The following RNF150 variants were observed in gnomAD, a reference collection of about 807,000 sequenced individuals.
The protein encoded by RNF150 is ring finger protein 150.
In RNF150, 24 loss-of-function variants were observed where a neutral mutation model predicts 39.3. The observed-to-expected ratio is 0.61, with a 90% CI of 0.44 to 0.86. The LOEUF (loss-of-function observed/expected upper bound fraction) is 0.86, where lower values mean the gene tolerates loss of function less well. RNF150 is among the 40% of genes least tolerant of loss of function. The pLI, the probability that RNF150 is intolerant of heterozygous loss-of-function variation, is 0.00. For missense variants in RNF150, 502 were observed against 587.8 expected (o/e 0.85, Z 1.51); for synonymous variants, 255 against 227.3 (o/e 1.12, Z -1.10).
chr4:141,211,021 G>T (rs968849820), intron 1 of RNF150, among the ~76,000 whole-genome samples: 2 of 152,104 alleles, frequency 1.3e-5, no homozygotes, highest in African/African-American at 4.8e-5. Context: ...TTGAGAGCAT[G>T]GTAAAAGAAT....
chr4:140,985,969 G>A (rs1351738082), intron 1 of RNF150, among the ~76,000 whole-genome samples: 2 of 152,000 alleles, frequency 1.3e-5, no homozygotes, highest in Non-Finnish European at 2.9e-5. Context: ...ATTAAGGCAA[G>A]GAAATAACAC....
At chr4:140,925,160 T>C (rs1731341607) in intron 5 of RNF150, among the ~76,000 whole-genome samples, 1 of 152,182 alleles carries the variant, frequency 6.6e-6, no homozygotes, top group Non-Finnish European at 1.5e-5. Flanking sequence ...CAGCACCGTA[T>C]GGTTTCTCAC....
At chr4:140,943,196 T>C (rs1232675531) in intron 4 of RNF150, among the ~76,000 whole-genome samples, 1 of 152,076 alleles carries the variant, frequency 6.6e-6, no homozygotes, top group Non-Finnish European at 1.5e-5. Context: ...CTTCTGTCAA[T>C]AGTATCGAAG....
intron 1 of RNF150, among the ~76,000 whole-genome samples, chr4:141,092,317 T>C (rs1174802758): frequency 6.7e-6 from 1 of 149,872 alleles, no homozygotes; most frequent in Non-Finnish European, 1.5e-5. Flanking sequence ...CACTCCAGCC[T>C]GGGCAACAGA....
At chr4:140,974,076 C>T (rs1283979289) in intron 1 of RNF150, among the ~76,000 whole-genome samples, 3 of 150,516 alleles carry the variant, frequency 2.0e-5, no homozygotes, top group African/African-American at 7.5e-5. Flanking sequence ...TTTTAAATGT[C>T]TCTGTGTTTA....
At chr4:141,020,994 T>A (rs377278557) in intron 1 of RNF150, among the ~76,000 whole-genome samples, 1 of 152,148 alleles carries the variant, frequency 6.6e-6, no homozygotes, top group African/African-American at 2.4e-5. Context: ...GACCTCAGAA[T>A]AGAACTGGGC....
intron 1 of RNF150, among the ~76,000 whole-genome samples, chr4:140,992,460 G>C (rs1055095627): frequency 1.3e-5 from 2 of 152,168 alleles, no homozygotes; most frequent in Admixed American, 6.5e-5. Flanking sequence ...ATGTTGAACA[G>C]TACTGCTTCT....
At chr4:140,959,903 G>A (rs896363499) in intron 2 of RNF150, among the ~76,000 whole-genome samples, 24 of 152,066 alleles carry the variant, frequency 1.6e-4, no homozygotes, top group Non-Finnish European at 2.4e-4. Flanking sequence ...AGGCTACAGA[G>A]CGCTTCTGCA....
intron 1 of RNF150, among the ~76,000 whole-genome samples, chr4:141,181,666 T>G (rs1187800358): frequency 1.3e-5 from 2 of 152,188 alleles, no homozygotes; most frequent in Non-Finnish European, 2.9e-5. Context: ...ATGTTCATGC[T>G]ATATCATCTA....
rs756140139 is a variant in RNF150, at chr4:141,132,296, C to T, written c.484+29G>A. 7.1e-6 allele frequency: 11 copies of T among 1,556,190 alleles called. No individual in the cohort carries two copies. The East Asian group carries it at 2.4e-4, about 34-fold the overall frequency. ...TAGGCACCTCCGTCCCCGCCGGCTC[C>T]CCTCCCCCGCGCCCGCTGGGCCACT... On this transcript the variant is annotated intron_variant, in intron 1 of 6. Coordinates refer to ENST00000515673, the MANE Select transcript of RNF150 (RefSeq NM_020724.2). This position sits in a 1 kb window ranked among gnomAD's most constrained non-coding sequence, Gnocchi z 4.9.
intron 1 of RNF150, among the ~76,000 whole-genome samples, chr4:141,196,008 C>T (rs750880375): frequency 6.6e-6 from 1 of 152,126 alleles, no homozygotes; most frequent in Non-Finnish European, 1.5e-5. Context: ...AAACCAAAAT[C>T]CAAAGTGCTC....
chr4:141,064,098 T>A (rs1737358236), intron 1 of RNF150, among the ~76,000 whole-genome samples: 1 of 152,166 alleles, frequency 6.6e-6, no homozygotes, highest in South Asian at 2.1e-4. Context: ...TTATTTTTCC[T>A]TTTTACTTTA....
chr4:140,994,017 C>T (rs1323932010), intron 1 of RNF150, among the ~76,000 whole-genome samples: 1 of 152,148 alleles, frequency 6.6e-6, no homozygotes, highest in South Asian at 2.1e-4. Context: ...TAAAAATAGC[C>T]TCCACCAACA....
intron 1 of RNF150, among the ~76,000 whole-genome samples, chr4:141,087,477 C>T (rs140500712): frequency 0.012 from 1,815 of 152,028 alleles, 16 homozygotes; most frequent in Non-Finnish European, 0.017. Flanking sequence ...TTTCACCTTA[C>T]ATCTCTAATG....
chr4:141,189,250 G>C (rs1301163375), intron 1 of RNF150, among the ~76,000 whole-genome samples: 1 of 152,182 alleles, frequency 6.6e-6, no homozygotes, highest in African/African-American at 2.4e-5. Flanking sequence ...GCATGTTGCT[G>C]TCTGCTTCTT....
intron 1 of RNF150, among the ~76,000 whole-genome samples, chr4:141,022,267 A>G (rs558133770): frequency 9.9e-5 from 15 of 152,042 alleles, no homozygotes; most frequent in Admixed American, 2.6e-4. Context: ...GCTCTCTGGA[A>G]GCCTCAGATC....
intron 1 of RNF150, among the ~76,000 whole-genome samples, chr4:141,043,800 T>A (rs1365572307): frequency 1.3e-5 from 2 of 151,974 alleles, no homozygotes; most frequent in East Asian, 1.9e-4. Context: ...CAAGAGAAAA[T>A]TTTTACCTCC....
At chr4:141,159,828 G>A (rs1727480379) in intron 1 of RNF150, among the ~76,000 whole-genome samples, 1 of 152,178 alleles carries the variant, frequency 6.6e-6, no homozygotes, top group Non-Finnish European at 1.5e-5. Context: ...ACAGGTGTGA[G>A]CCACTGCGCC....
intron 2 of RNF150, among the ~76,000 whole-genome samples, chr4:140,962,795 CATTTAGTTTAGAAAA>C (rs1385024508): frequency 3.3e-5 from 5 of 151,866 alleles, no homozygotes; most frequent in African/African-American, 1.2e-4. Flanking sequence ...AGGTACATTC[CATTTAGTTTAGAAAA>C]ACAATGAATA....
Sources: allele counts gnomAD v4.1 joint callset (sites outside exome capture counted in the v4.1 genomes callset), GRCh38; gene constraint gnomAD v4.1.1; non-coding constraint Gnocchi (gnomAD v3.1); transcripts MANE v1.5; gene names NCBI Gene and HGNC (gene_info 2026-07-23, HGNC 2026-07-21).